Variants in USP32 observed in about 807,000 individuals in gnomAD.
The protein encoded by USP32 is ubiquitin carboxyl-terminal hydrolase 32.
USP32 carries 59 observed loss-of-function variants against 204.8 expected under a neutral mutation model. The observed-to-expected ratio is 0.29, with a 90% CI of 0.23 to 0.36. USP32 has a LOEUF of 0.36. Among genes scored for constraint, USP32 ranks in the 10% least tolerant of loss-of-function variants. The pLI is 1.00. For synonymous variants in USP32, 517 were observed against 678.4 expected (o/e 0.76, Z 3.70); for missense variants, 1,160 against 1,946.4 (o/e 0.60, Z 7.60).
intron 1 of USP32, among the ~76,000 whole-genome samples, chr17:60,386,666 A>T (rs1403693023): frequency 6.6e-6 from 1 of 152,190 alleles, no homozygotes; most frequent in African/African-American, 2.4e-5. Flanking sequence ...AGTCTCACTA[A>T]GCACAAAGAG....
chr17:60,234,130 T>C (rs1324158614), intron 12 of USP32, among the ~76,000 whole-genome samples: 1 of 151,404 alleles, frequency 6.6e-6, no homozygotes, highest in Non-Finnish European at 1.5e-5. Flanking sequence ...TTTTTTTTTT[T>C]TGAGATGGAG....
intron 4 of USP32, among the ~76,000 whole-genome samples, chr17:60,289,164 C>T (rs191057733): frequency 3.9e-5 from 6 of 152,222 alleles, no homozygotes; most frequent in East Asian, 3.9e-4. Flanking sequence ...CCCACCACCA[C>T]GCCCGGCTAA....
At chr17:60,341,797 T>C (rs923252354) in intron 2 of USP32, among the ~76,000 whole-genome samples, 6 of 152,276 alleles carry the variant, frequency 3.9e-5, no homozygotes, top group Non-Finnish European at 8.8e-5. Context: ...TAGTTAGCCA[T>C]TCGTCTAACC....
chr17:60,361,159 G>GGT (rs763110430), intron 1 of USP32, among the ~76,000 whole-genome samples: 1 of 151,812 alleles, frequency 6.6e-6, no homozygotes, highest in Non-Finnish European at 1.5e-5. Flanking sequence ...ACAAAAACCC[G>GGT]GTATATATAA....
chr17:60,209,672 A>G, intron 21 of USP32, 129 bp from the exon 22 acceptor site: 3 of 620,952 alleles, frequency 4.8e-6, no homozygotes, highest in Non-Finnish European at 7.6e-6. Context: ...CTCTATTTCA[A>G]CAAATATATT....
chr17:60,208,421 T>C (rs2084883932), intron 23 of USP32, among the ~76,000 whole-genome samples: 1 of 152,178 alleles, frequency 6.6e-6, no homozygotes, highest in African/African-American at 2.4e-5. Flanking sequence ...CATAAAAGTA[T>C]CAGTGGCTTT....
chr17:60,234,636 A>T (rs2085669970), intron 12 of USP32, among the ~76,000 whole-genome samples: 2 of 151,716 alleles, frequency 1.3e-5, no homozygotes, highest in Admixed American at 1.3e-4. Context: ...AGGCTGAGGC[A>T]GAAGAATGGC....
intron 8 of USP32, 120 bp from the exon 9 acceptor site, chr17:60,265,594 C>T (rs1354206118): frequency 7.5e-6 from 5 of 666,738 alleles, no homozygotes; most frequent in Admixed American, 2.9e-5. Flanking sequence ...GATGGGGTCT[C>T]CTTACGTTGC....
intron 1 of USP32, chr17:60,421,437 C>G: frequency 2.0e-6 from 2 of 985,566 alleles, no homozygotes; most frequent in Non-Finnish European, 2.4e-6. Flanking sequence ...AGGCCCGGGC[C>G]GACGGCGGTC....
intron 2 of USP32, among the ~76,000 whole-genome samples, chr17:60,318,204 A>C (rs181316786): frequency 1.0e-3 from 154 of 152,312 alleles, no homozygotes; most frequent in African/African-American, 3.6e-3. Flanking sequence ...AACAAAATTA[A>C]ATTTAATCTA....
intron 7 of USP32, 106 bp from the exon 8 acceptor site, chr17:60,266,197 T>C (rs949711163): frequency 3.9e-6 from 3 of 776,288 alleles, no homozygotes; most frequent in South Asian, 3.2e-5. Context: ...TTAAAGCAAG[T>C]ATATGTATTC....
At position 60,303,035 on chromosome 17, in the gene USP32, A is replaced by G. The variant is rs1259670629; in HGVS notation, c.187-1331T>C. Among the ~76,000 whole-genome samples, 3 of 152,160 alleles carry G rather than the reference A, an allele frequency of 2.0e-5. No homozygotes were observed. In the East Asian group the frequency reaches 5.8e-4, roughly 29 times the overall value. Reference sequence around the variant, plus strand: ...AACTGAAAATATATATTAGTCACCAAATTATATTTATAAATATATTTAATA... The same window carrying G: ...AACTGAAAATATATATTAGTCACCAGATTATATTTATAAATATATTTAATA... On this transcript the variant is annotated intron_variant, in intron 2 of 33. Transcript: ENST00000300896.
In USP32 at chr17:60,179,004, C is replaced by A; in HGVS notation, c.*251G>T. 1 of 394,414 alleles carries A rather than the reference C, an allele frequency of 2.5e-6. No homozygotes were observed. The highest frequency in any genetic ancestry group is 4.5e-6 in the Non-Finnish European group (1 of 221,028). 24.4% of individuals were successfully genotyped at this position (394,414 alleles called of 1,614,324 possible). A position where few individuals can be genotyped will look rare whatever the true frequency, so the allele number is the denominator to read the frequency against. On this transcript the variant is annotated 3_prime_UTR_variant, in exon 34 of 34. Coordinates refer to ENST00000300896, the MANE Select transcript of USP32 (RefSeq NM_032582.4). ...TTGGTCCCAGGTGGCTGGTGCCAAACCTTTTGTTTACAGGCTAATGGTGGG... is the reference window on the plus strand; with the variant it reads ...TTGGTCCCAGGTGGCTGGTGCCAAAACTTTTGTTTACAGGCTAATGGTGGG...
chr17:60,203,482 G>T (rs2084740828), intron 26 of USP32, among the ~76,000 whole-genome samples: 2 of 148,574 alleles, frequency 1.3e-5, no homozygotes, highest in South Asian at 4.3e-4. Flanking sequence ...ACAGTCCTAA[G>T]AAACCAATAC....
At chr17:60,289,991 C>T (rs2087230446) in intron 4 of USP32, among the ~76,000 whole-genome samples, 1 of 152,144 alleles carries the variant, frequency 6.6e-6, no homozygotes, top group African/African-American at 2.4e-5. Flanking sequence ...GCAATCAAGA[C>T]ATTGACAGTC....
At chr17:60,357,130 G>T (rs2089097891) in intron 1 of USP32, among the ~76,000 whole-genome samples, 1 of 152,080 alleles carries the variant, frequency 6.6e-6, no homozygotes, top group Non-Finnish European at 1.5e-5. Context: ...AGTCAATTTT[G>T]ATTATCCAGT....
chr17:60,328,794 A>G (rs1355148582), intron 2 of USP32, among the ~76,000 whole-genome samples: 1 of 152,190 alleles, frequency 6.6e-6, no homozygotes, highest in East Asian at 1.9e-4. Context: ...AAGCTGCTTG[A>G]AGTGCACCTG....
intron 5 of USP32, among the ~76,000 whole-genome samples, chr17:60,280,807 T>C (rs1316850893): frequency 6.6e-6 from 1 of 152,226 alleles, no homozygotes; most frequent in Non-Finnish European, 1.5e-5. Context: ...AAGACATCAA[T>C]AGTGAATTGT....
At chr17:60,283,653 G>A (rs1247875105) in intron 5 of USP32, among the ~76,000 whole-genome samples, 2 of 150,948 alleles carry the variant, frequency 1.3e-5, no homozygotes, top group Admixed American at 1.3e-4. Context: ...ATAAAACACA[G>A]AAGGAAGAAC....
Sources: allele counts gnomAD v4.1 joint callset (sites outside exome capture counted in the v4.1 genomes callset), GRCh38; gene constraint gnomAD v4.1.1; transcripts MANE v1.5; gene names NCBI Gene and HGNC (gene_info 2026-07-23, HGNC 2026-07-21).